Variants in NHSL1 observed in about 807,000 individuals in gnomAD.
NHSL1 encodes the protein NHS-like protein 1.
A neutral mutation model predicts 95.0 loss-of-function variants in NHSL1; 48 were observed. The ratio of observed to expected loss-of-function variants is 0.51; its 90% confidence interval spans 0.40 to 0.64. The LOEUF is 0.64. Among genes scored for constraint, NHSL1 ranks in the 30% least tolerant of loss-of-function variants. The pLI, the probability that NHSL1 is intolerant of heterozygous loss-of-function variation, is 0.00. For synonymous variants in NHSL1, 783 were observed against 833.9 expected, an observed-to-expected ratio of 0.94 and a Z score of 1.05; for missense variants, 1,971 against 2,077.7, an observed-to-expected ratio of 0.95 and a Z score of 1.00.
intron 1 of NHSL1, among the ~76,000 whole-genome samples, chr6:138,640,961 T>C (rs182496526): frequency 1.3e-5 from 2 of 152,230 alleles, no homozygotes; most frequent in Non-Finnish European, 2.9e-5. Flanking sequence ...TGAAAAATAA[T>C]GTTTCCAAAA....
intron 5 of NHSL1, among the ~76,000 whole-genome samples, chr6:138,437,860 G>A (rs1380259686): frequency 6.6e-6 from 1 of 152,218 alleles, no homozygotes; most frequent in African/African-American, 2.4e-5. Context: ...TAGAAGTGGA[G>A]CCTGAAGATG....
chr6:138,632,862 CTAAA>C (rs772620906), intron 1 of NHSL1, among the ~76,000 whole-genome samples: 1 of 152,098 alleles, frequency 6.6e-6, no homozygotes, highest in African/African-American at 2.4e-5. Flanking sequence ...ACCAAATATA[CTAAA>C]TAAAGCACCA....
chr6:138,581,722 A>G (rs769102589), intron 1 of NHSL1, among the ~76,000 whole-genome samples: 2 of 148,988 alleles, frequency 1.3e-5, no homozygotes, highest in South Asian at 4.2e-4. Context: ...AAAAAATTTC[A>G]GGAAAAAAAG....
chr6:138,650,532 C>T, intron 1 of NHSL1: 1 of 608,146 alleles, frequency 1.6e-6, no homozygotes, highest in South Asian at 1.4e-5. Flanking sequence ...TAGGTTACAG[C>T]CTCACAAGAA....
chr6:138,443,599 G>A (rs1776670212), intron 4 of NHSL1, among the ~76,000 whole-genome samples: 1 of 152,160 alleles, frequency 6.6e-6, no homozygotes, highest in Non-Finnish European at 1.5e-5. Flanking sequence ...AGTTGAGGTG[G>A]GTGGATCACT....
chr6:138,432,884 G>T lies in NHSL1; in HGVS notation c.1461C>A (p.Ser487=), dbSNP rs566106765. The change falls in exon 6 of 8, where the codon TCC becomes TCA. Residue 487 remains serine, a synonymous_variant. Transcript: ENST00000343505. The surrounding 1 kb of genome is among the most constrained non-coding windows in gnomAD (Gnocchi z 4.4). ...GGGACAACAGTGCGGGTTCACCAGG[G>T]GAATGAGGGTCTAAGTCCTGTGAAA... is the stretch of plus-strand genomic sequence containing the variant. ...TILSQDLDPH[S]PGEPALLSLC... 6.4e-7 allele frequency: 1 copy of T among 1,551,512 alleles called. No individual in the cohort carries two copies. Among genetic ancestry groups the T allele is most frequent in the Non-Finnish European group, 8.7e-7 (1 of 1,146,948 alleles).
At chr6:138,572,616 T>G (rs1173877099), upstream of NHSL1, 1 of 152,194 alleles carries the variant, frequency 6.6e-6, no homozygotes, top group Non-Finnish European at 1.5e-5. Flanking sequence ...CAAGCACTCC[T>G]GCGAAAGACG....
chr6:138,520,120 A>G (rs1313983756), intron 1 of NHSL1, among the ~76,000 whole-genome samples: 2 of 152,128 alleles, frequency 1.3e-5, no homozygotes, highest in Non-Finnish European at 2.9e-5. Context: ...ATAACATAAT[A>G]AGGCAAAACA....
chr6:138,684,005 G>A (rs1418097288), intron 1 of NHSL1, among the ~76,000 whole-genome samples: 1 of 152,110 alleles, frequency 6.6e-6, no homozygotes, highest in Admixed American at 6.5e-5. Context: ...GAGGCCAGCA[G>A]TTTGAGACCA....
intron 1 of NHSL1, among the ~76,000 whole-genome samples, chr6:138,597,997 C>A (rs2114548603): frequency 6.6e-6 from 1 of 151,956 alleles, no homozygotes; most frequent in East Asian, 1.9e-4. Flanking sequence ...GAAACTGTCC[C>A]CCACCTTAAA....
At chr6:138,618,397 G>A (rs1169815907) in intron 1 of NHSL1, among the ~76,000 whole-genome samples, 1 of 152,182 alleles carries the variant, frequency 6.6e-6, no homozygotes, top group Non-Finnish European at 1.5e-5. Flanking sequence ...AAGATTTCAG[G>A]CAATCTGTGG....
chr6:138,653,196 C>T (rs868135183), intron 1 of NHSL1, among the ~76,000 whole-genome samples: 1 of 152,182 alleles, frequency 6.6e-6, no homozygotes, highest in South Asian at 2.1e-4. Context: ...TGACTTTCCA[C>T]ACCTATTATA....
At chr6:138,545,051 C>T (rs1469284402) in intron 1 of NHSL1, among the ~76,000 whole-genome samples, 2 of 129,650 alleles carry the variant, frequency 1.5e-5, no homozygotes, top group African/African-American at 5.6e-5. Context: ...AGTGCAGTGG[C>T]GCGATCTCGG....
At chr6:138,664,476 G>C (rs1785269870) in intron 1 of NHSL1, among the ~76,000 whole-genome samples, 2 of 152,112 alleles carry the variant, frequency 1.3e-5, no homozygotes, top group Non-Finnish European at 2.9e-5. Context: ...CTGGGCAAAA[G>C]GAAAATCAGA....
At chr6:138,572,076 T>G (rs1783860625) in exon 1 of NHSL1, 4 of 579,656 alleles carry the variant, frequency 6.9e-6, no homozygotes, top group Non-Finnish European at 8.9e-6. Context: ...GTCACCCAAT[T>G]AAAAAGAAAG....
chr6:138,584,204 C>G (rs1362417067), intron 1 of NHSL1, among the ~76,000 whole-genome samples: 1 of 152,188 alleles, frequency 6.6e-6, no homozygotes, highest in Non-Finnish European at 1.5e-5. Context: ...CTCTTATAAA[C>G]TAATTCACCT....
Position 138,428,606 on chromosome 6 carries a change from TC to T in NHSL1, c.4085+1104del, listed in dbSNP as rs530634490. ...AAGAACATTAATTCACCGGCTTCGT[TC>T]CCCCCACACCAAGTTAGATGTTAAT... On this transcript the variant is annotated intron_variant, in intron 7 of 7. Coordinates refer to ENST00000343505, the MANE Select transcript of NHSL1 (RefSeq NM_001144060.2). Among the ~76,000 whole-genome samples the T allele has an allele frequency of 3.5e-3, 531 of 152,238 alleles. 2 individuals are homozygous for T. Among genetic ancestry groups the T allele is most frequent in the Non-Finnish European group, 3.3e-3 (222 of 68,016 alleles).
intron 1 of NHSL1, among the ~76,000 whole-genome samples, chr6:138,524,294 G>A (rs1583353590): frequency 6.6e-6 from 1 of 152,120 alleles, no homozygotes; most frequent in Non-Finnish European, 1.5e-5. Context: ...GCAGCTCAAC[G>A]AATTGCCACA....
rs1583385959 is a variant in NHSL1 at position 138,542,951 on chromosome 6, A to G, written c.16+2672T>C. 2.0e-5 allele frequency among the ~76,000 whole-genome samples: 3 copies of G among 152,180 alleles called. No individual in the cohort carries two copies. In the East Asian group the frequency reaches 5.8e-4, roughly 29 times the overall value. On this transcript the variant is annotated intron_variant, in intron 1 of 4. Transcript: ENST00000342260. ...GCTAACTTTTTAATTTTTTGTGGAG[A>G]CAAGGTCTCCCTATGTTAGCCAGGC...
Sources: allele counts gnomAD v4.1 joint callset (sites outside exome capture counted in the v4.1 genomes callset), GRCh38; gene constraint gnomAD v4.1.1; non-coding constraint Gnocchi (gnomAD v3.1); transcripts MANE v1.5; gene names NCBI Gene and HGNC (gene_info 2026-07-23, HGNC 2026-07-21).